ST3GAL4: variants seen among roughly 807,000 people sequenced by gnomAD.
ST3GAL4 encodes the protein ST3 beta-galactoside alpha-2,3-sialyltransferase 4.
In ST3GAL4, 24 loss-of-function variants were observed where a neutral mutation model predicts 42.6. That is an observed-to-expected ratio of 0.56 (90% CI 0.41 to 0.79). The LOEUF is 0.79. Ranked by LOEUF, ST3GAL4 falls within the 30% of genes least tolerant of loss-of-function variation. The pLI is 0.00. For synonymous variants in ST3GAL4, 135 were observed against 163.2 expected (o/e 0.83, Z 1.32); for missense variants, 311 against 430.8 (o/e 0.72, Z 2.46).
rs1000245003 is a variant in ST3GAL4, at chr11:126,359,562, G to A, written c.-61+3720G>A. 4.6e-5 allele frequency among the ~76,000 whole-genome samples: 7 copies of A among 152,184 alleles called. No individual in the cohort carries two copies. The highest frequency in any genetic ancestry group is 1.4e-4 in the African/African-American group (6 of 41,452). Reference sequence around the variant, plus strand: ...AAGAAACAGATCCCAGCTCAAAGGCGTGAAGGGGTTTGCTCAAGGCCACAG... The same window carrying A: ...AAGAAACAGATCCCAGCTCAAAGGCATGAAGGGGTTTGCTCAAGGCCACAG... On this transcript the variant is annotated intron_variant, in intron 1 of 10. Transcript: ENST00000444328. The surrounding 1 kb of genome is among the most constrained non-coding windows in gnomAD (Gnocchi z 4.8).
In ST3GAL4 at chr11:126,386,655, C is replaced by G. The variant is rs551496926; in HGVS notation, c.-60-19441C>G. On this transcript the variant is annotated intron_variant, in intron 1 of 10. Transcript: ENST00000444328. This position sits in a 1 kb window ranked among gnomAD's most constrained non-coding sequence, Gnocchi z 4.7. ...TGGAGCCAGCTCTGCAGAAGCCACA[C>G]CTGCTCATGAGAAGGGTATCCTTGT... 2.0e-5 allele frequency among the ~76,000 whole-genome samples: 3 copies of G among 152,200 alleles called. No individual in the cohort carries two copies. The East Asian group carries it at 5.8e-4, about 30-fold the overall frequency.
intron 1 of ST3GAL4, chr11:126,403,403 C>G: frequency 1.0e-6 from 1 of 985,458 alleles, no homozygotes; most frequent in Non-Finnish European, 1.2e-6. Flanking sequence ...CTGGAGGATA[C>G]CTGTGTATCT....
rs1466196453 is a variant in ST3GAL4 at position 126,378,531 on chromosome 11, C to G, written c.-61+22689C>G. On this transcript the variant is annotated intron_variant, in intron 1 of 10. Transcript: ENST00000444328. The surrounding 1 kb of genome is among the most constrained non-coding windows in gnomAD (Gnocchi z 5.3). ...TCATGCGATTCTCCTGCCTCAGCCTCCCAAGTAGCTGGGACTACAGGCACC... is the reference window on the plus strand; with the variant it reads ...TCATGCGATTCTCCTGCCTCAGCCTGCCAAGTAGCTGGGACTACAGGCACC... Among the ~76,000 whole-genome samples, 1 of 152,110 alleles carries G rather than the reference C, an allele frequency of 6.6e-6. No homozygotes were observed. The highest frequency in any genetic ancestry group is 1.5e-5 in the Non-Finnish European group (1 of 68,028).
At chr11:126,361,313 G>A (rs1286351516) in intron 1 of ST3GAL4, among the ~76,000 whole-genome samples, 4 of 150,676 alleles carry the variant, frequency 2.7e-5, no homozygotes, top group East Asian at 1.9e-4. Flanking sequence ...TACATATTGC[G>A]TTTCCACTTC....
At position 126,408,349 on chromosome 11, in the gene ST3GAL4, C is replaced by T; in HGVS notation, c.480C>T (p.Gly160=). The T allele has an allele frequency of 2.5e-6, 4 of 1,614,198 alleles. No individual in the cohort carries two copies. The highest frequency in any genetic ancestry group is 2.7e-5 in the African/African-American group (2 of 75,052). ...APVAGYEGDV[G]SKTTMRLFYP... is the part of the protein sequence containing the mutation. ...TGGCTGGCTATGAGGGTGACGTGGG[C>T]TCCAAGACCACCATGCGTCTCTTCT... The change falls in exon 8 of 11, where the codon GGC becomes GGT. Residue 160 remains glycine (G), a synonymous_variant. Coordinates refer to ENST00000444328, the MANE Select transcript of ST3GAL4 (RefSeq NM_001254757.2).
At chr11:126,360,795 A>G (rs528236454) in intron 1 of ST3GAL4, among the ~76,000 whole-genome samples, 4 of 152,308 alleles carry the variant, frequency 2.6e-5, no homozygotes, top group African/African-American at 9.6e-5. Flanking sequence ...TAAGCACTCA[A>G]TAGATTCTTG....
rs1952742518 is a variant in ST3GAL4, at chr11:126,373,912, T to C, written c.-61+18070T>C. Among the ~76,000 whole-genome samples, 1 of 152,094 alleles carries C rather than the reference T, an allele frequency of 6.6e-6. No individual in the cohort carries two copies. Among genetic ancestry groups the C allele is most frequent in the Non-Finnish European group, 1.5e-5 (1 of 68,004 alleles). On this transcript the variant is annotated intron_variant, in intron 1 of 10. Transcript: ENST00000444328. The surrounding 1 kb of genome is among the most constrained non-coding windows in gnomAD (Gnocchi z 5.5). Reference sequence around the variant, plus strand: ...ACTGTGCCGCAGGGGCCAGAAGATATCTGACCTACTGTCACTGCCTCTTCC... The same window carrying C: ...ACTGTGCCGCAGGGGCCAGAAGATACCTGACCTACTGTCACTGCCTCTTCC...
In ST3GAL4 at chr11:126,408,111, C is replaced by T. The variant is rs746563581; in HGVS notation, c.354C>T (p.Arg118=). The change falls in exon 7 of 11, where the codon CGC becomes CGT. Residue 118 remains arginine, a synonymous_variant. Coordinates refer to ENST00000444328, the MANE Select transcript of ST3GAL4 (RefSeq NM_001254757.2). ...CTTTCTATGGCAGCCTCAGGTGCCGCCGCTGTGTGGTCGTGGGGAACGGGC... is the reference window on the plus strand; with the variant it reads ...CTTTCTATGGCAGCCTCAGGTGCCGTCGCTGTGTGGTCGTGGGGAACGGGC... ...IPKNIQSLRC[R]RCVVVGNGHR... 2 of 1,613,960 alleles carry T rather than the reference C, an allele frequency of 1.2e-6. No homozygotes were observed. The highest frequency in any genetic ancestry group is 4.5e-5 in the East Asian group (2 of 44,866).
At position 126,363,219 on chromosome 11, in the gene ST3GAL4, C is replaced by T. The variant is rs1035177815; in HGVS notation, c.-61+7377C>T. ...ATCTCCTTCCTGTCCCTGTTTGAGC[C>T]GTGCTCTTCTTCTTCAATCCCTTTC... is the stretch of plus-strand genomic sequence containing the variant. On this transcript the variant is annotated intron_variant, in intron 1 of 10. Transcript: ENST00000444328. This position sits in a 1 kb window ranked among gnomAD's most constrained non-coding sequence, Gnocchi z 4.6. Among the ~76,000 whole-genome samples the T allele has an allele frequency of 5.9e-5, 9 of 152,342 alleles. No individual in the cohort carries two copies. The highest frequency in any genetic ancestry group is 3.3e-4 in the Admixed American group (5 of 15,302).
At chr11:126,381,986 C>T (rs1168687648) in intron 1 of ST3GAL4, among the ~76,000 whole-genome samples, 2 of 152,066 alleles carry the variant, frequency 1.3e-5, no homozygotes, top group Non-Finnish European at 2.9e-5. Context: ...CCAGCCCACT[C>T]ATCCAGGGAT....
In ST3GAL4 at chr11:126,359,880, G is replaced by A. The variant is rs542719372; in HGVS notation, c.-61+4038G>A. ...TTGGAAATGTGGCTGCCGCCCACAT[G>A]GCTGCAAGGCAACCACGGCCACACG... On this transcript the variant is annotated intron_variant, in intron 1 of 10. Transcript: ENST00000444328. The surrounding 1 kb of genome is among the most constrained non-coding windows in gnomAD (Gnocchi z 4.8). Among the ~76,000 whole-genome samples, 1 of 152,358 alleles carries A rather than the reference G, an allele frequency of 6.6e-6. No individual in the cohort carries two copies. The highest frequency in any genetic ancestry group is 1.5e-5 in the Non-Finnish European group (1 of 68,034).
intron 1 of ST3GAL4, among the ~76,000 whole-genome samples, chr11:126,375,889 T>TTG (rs11351520): frequency 7.4e-6 from 1 of 135,114 alleles, no homozygotes; most frequent in Non-Finnish European, 1.6e-5. Context: ...TTTTTTTTTT[T>TTG]GCCCCTGGCT....
At position 126,383,700 on chromosome 11, in the gene ST3GAL4, C is replaced by G. The variant is rs971020195; in HGVS notation, c.-60-22396C>G. Among the ~76,000 whole-genome samples, 4 of 152,160 alleles carry G rather than the reference C, an allele frequency of 2.6e-5. No homozygotes were observed. Among genetic ancestry groups the G allele is most frequent in the East Asian group, 1.9e-4 (1 of 5,176 alleles). The stretch of plus-strand genomic sequence containing the variant: ...GAGGGCCGGTGTGAGCTGCAGGGAC[C>G]GGAGAGCTGCTGGAAGGGGCTGTCT... On this transcript the variant is annotated intron_variant, in intron 1 of 10. Transcript: ENST00000444328. The surrounding 1 kb of genome is among the most constrained non-coding windows in gnomAD (Gnocchi z 4.5).
Position 126,378,660 on chromosome 11 carries a change from G to C in ST3GAL4, c.-61+22818G>C, listed in dbSNP as rs999470014. On this transcript the variant is annotated intron_variant, in intron 1 of 10. Coordinates refer to ENST00000444328, the MANE Select transcript of ST3GAL4 (RefSeq NM_001254757.2). This position sits in a 1 kb window ranked among gnomAD's most constrained non-coding sequence, Gnocchi z 5.3. ...CTGACCTCGTGATCCACCCTCCTCGGCCCCCCAAAGGGATGACTGGTTTTC... is the reference window on the plus strand; with the variant it reads ...CTGACCTCGTGATCCACCCTCCTCGCCCCCCCAAAGGGATGACTGGTTTTC... Among the ~76,000 whole-genome samples, 5 of 152,140 alleles carry C rather than the reference G, an allele frequency of 3.3e-5. No homozygotes were observed. The highest frequency in any genetic ancestry group is 4.4e-5 in the Non-Finnish European group (3 of 68,024).
At chr11:126,374,454 CAAAAAAAAAA>C (rs869295718) in intron 1 of ST3GAL4, among the ~76,000 whole-genome samples, 9 of 63,210 alleles carry the variant, frequency 1.4e-4, no homozygotes, top group South Asian at 1.4e-3. Context: ...ACTTTGTCTC[CAAAAAAAAAA>C]AAAAAAAAAA....
At position 126,406,195 on chromosome 11, in the gene ST3GAL4, C is replaced by G; in HGVS notation, c.16+24C>G. On this transcript the variant is annotated intron_variant, in intron 2 of 10. Coordinates refer to ENST00000444328, the MANE Select transcript of ST3GAL4 (RefSeq NM_001254757.2). The surrounding 1 kb of genome is among the most constrained non-coding windows in gnomAD (Gnocchi z 5.4). ...CCGTGAGTGTCATCCGAGGGCTCCC[C>G]CACCCTGGAGGACAGGCCTCAGAAG... 3 of 1,556,914 alleles carry G rather than the reference C, an allele frequency of 1.9e-6. No homozygotes were observed. The highest frequency in any genetic ancestry group is 2.6e-6 in the Non-Finnish European group (3 of 1,150,340).
intron 10 of ST3GAL4, 143 bp downstream of exon 10, chr11:126,413,791 G>A: frequency 7.0e-7 from 1 of 1,423,618 alleles, no homozygotes; most frequent in Non-Finnish European, 9.6e-7. Flanking sequence ...GGACTCCCTG[G>A]CCAGCATCCT....
intron 1 of ST3GAL4, among the ~76,000 whole-genome samples, chr11:126,357,575 C>T (rs76750332): frequency 1.3e-5 from 2 of 152,164 alleles, no homozygotes; most frequent in Non-Finnish European, 2.9e-5. Context: ...GCCGTGCCCC[C>T]GCCAGCCTCC....
Position 126,376,543 on chromosome 11 carries a change from T to A in ST3GAL4, c.-61+20701T>A, listed in dbSNP as rs192969915. Among the ~76,000 whole-genome samples, 2 of 152,358 alleles carry A rather than the reference T, an allele frequency of 1.3e-5. No individual in the cohort carries two copies. On this transcript the variant is annotated intron_variant, in intron 1 of 10. Coordinates refer to ENST00000444328, the MANE Select transcript of ST3GAL4 (RefSeq NM_001254757.2). This position sits in a 1 kb window ranked among gnomAD's most constrained non-coding sequence, Gnocchi z 5.1. ...TACTTATGATTGGCTGAAGTTTTAT[T>A]TGTGTCAAACAGAAGCATTTACCAT...
Sources: gnomAD v4.1 joint callset for allele counts (sites outside exome capture counted in the v4.1 genomes callset) on GRCh38, gnomAD v4.1.1 for gene constraint, Gnocchi (gnomAD v3.1) non-coding constraint, MANE v1.5 for transcripts, NCBI Gene and HGNC (gene_info 2026-07-23, HGNC 2026-07-21) for gene names.